Variants in KCNQ3 observed in about 807,000 individuals in gnomAD.
The protein encoded by KCNQ3 is potassium voltage-gated channel subfamily KQT member 3.
In KCNQ3, 30 loss-of-function variants were observed where a neutral mutation model predicts 92.5. The ratio of observed to expected loss-of-function variants is 0.32; its 90% CI spans 0.24 to 0.44. The LOEUF (loss-of-function observed/expected upper bound fraction) is 0.44, where lower values mean the gene tolerates loss of function less well. KCNQ3 is among the 20% of genes least tolerant of loss of function. The probability of loss-of-function intolerance (pLI) is 1.00; values close to 1 mark genes in which losing one functional copy is unlikely to be tolerated. For synonymous variants in KCNQ3, 450 were observed against 468.8 expected, an observed-to-expected ratio of 0.96 and a Z score of 0.52; for missense variants, 913 against 1,140.3, an observed-to-expected ratio of 0.80 and a Z score of 2.87.
chr8:132,321,756 C>A (rs1285646426), intron 1 of KCNQ3, among the ~76,000 whole-genome samples: 2 of 152,196 alleles, frequency 1.3e-5, no homozygotes, highest in Admixed American at 6.5e-5. Flanking sequence ...CACTACCACA[C>A]CCCTGTGCTT....
At chr8:132,157,776 C>T (rs1407137597) in intron 9 of KCNQ3, among the ~76,000 whole-genome samples, 4 of 152,050 alleles carry the variant, frequency 2.6e-5, no homozygotes, top group South Asian at 2.1e-4. Flanking sequence ...CCATCATCTA[C>T]GTTTTAAGCC....
Position 132,121,763 on chromosome 8 carries a change from T to C in KCNQ3, c.*7499A>G, listed in dbSNP as rs759906651. 6.6e-5 allele frequency: 10 copies of C among 152,064 alleles called. No individual in the cohort carries two copies. The highest frequency in any genetic ancestry group is 1.0e-4 in the Non-Finnish European group (7 of 68,028). The allele number at this position is 152,064 out of a possible 1,614,324, so 9.4% of individuals were successfully genotyped here. ...ACCAGAGTCAGCAGAGACGTGGAGA[T>C]ATTTGAACTTGTTTGGTTAAAAACA... On this transcript the variant is annotated 3_prime_UTR_variant, in exon 15 of 15. Coordinates refer to ENST00000388996, the MANE Select transcript of KCNQ3 (RefSeq NM_004519.4).
chr8:132,238,368 A>G (rs542786000), intron 1 of KCNQ3, among the ~76,000 whole-genome samples: 1 of 152,274 alleles, frequency 6.6e-6, no homozygotes, highest in South Asian at 2.1e-4. Flanking sequence ...TCCTAACTGA[A>G]CCATTGGGCC....
intron 1 of KCNQ3, among the ~76,000 whole-genome samples, chr8:132,347,365 C>A (rs1204264958): frequency 6.6e-6 from 1 of 152,142 alleles, no homozygotes; most frequent in East Asian, 1.9e-4. Context: ...TGGTGATGAT[C>A]TTATAACACT....
chr8:132,312,060 G>A (rs1244265396), intron 1 of KCNQ3, among the ~76,000 whole-genome samples: 2 of 152,324 alleles, frequency 1.3e-5, no homozygotes, highest in East Asian at 3.9e-4. Context: ...GTCGAAAACT[G>A]CTGGCAGCCA....
rs936596469 is a variant in KCNQ3 at position 132,413,858 on chromosome 8, G to A, written c.386+66289C>T. Among the ~76,000 whole-genome samples the A allele has an allele frequency of 4.6e-5, 7 of 152,324 alleles. No individual in the cohort carries two copies. The East Asian group carries it at 5.8e-4, about 13-fold the overall frequency. On this transcript the variant is annotated intron_variant, in intron 1 of 14. Coordinates refer to ENST00000388996, the MANE Select transcript of KCNQ3 (RefSeq NM_004519.4). The stretch of plus-strand genomic sequence containing the variant: ...TGTGTCACGCTGTCTGCAGGAGCAC[G>A]TGACTGGGGAATCCCATCTGTTCTC...
At chr8:132,172,435 C>G (rs889066967) in intron 7 of KCNQ3, among the ~76,000 whole-genome samples, 163 bp downstream of exon 7, 1 of 145,934 alleles carries the variant, frequency 6.9e-6, no homozygotes, top group South Asian at 2.2e-4. Flanking sequence ...CACACACACA[C>G]AGACACACAA....
chr8:132,293,773 T>C (rs1331248139), intron 1 of KCNQ3, among the ~76,000 whole-genome samples: 1 of 152,058 alleles, frequency 6.6e-6, no homozygotes, highest in Non-Finnish European at 1.5e-5. Context: ...ACACGTGAAA[T>C]AGTGTCCAGA....
chr8:132,285,116 G>C (rs1816642047), intron 1 of KCNQ3, among the ~76,000 whole-genome samples: 1 of 152,180 alleles, frequency 6.6e-6, no homozygotes, highest in Non-Finnish European at 1.5e-5. Context: ...TGGTACTGAT[G>C]AGTGGGATGA....
chr8:132,215,786 T>C (rs556479270), intron 1 of KCNQ3, among the ~76,000 whole-genome samples: 1 of 152,330 alleles, frequency 6.6e-6, no homozygotes, highest in Non-Finnish European at 1.5e-5. Flanking sequence ...TTCCCTGCCC[T>C]GGGTGGGTAA....
chr8:132,416,912 G>A (rs1017935836), intron 1 of KCNQ3, among the ~76,000 whole-genome samples: 1 of 152,160 alleles, frequency 6.6e-6, no homozygotes, highest in South Asian at 2.1e-4. Context: ...TGTTGGAGCA[G>A]ACAGATAAAC....
rs1182316924 is a variant in KCNQ3 at position 132,456,125 on chromosome 8, C to G, written c.386+24022G>C. Among the ~76,000 whole-genome samples, 3 of 152,106 alleles carry G rather than the reference C, an allele frequency of 2.0e-5. No individual in the cohort carries two copies. In the East Asian group the frequency reaches 5.8e-4, roughly 29 times the overall value. On this transcript the variant is annotated intron_variant, in intron 1 of 14. Transcript: ENST00000388996. Reference sequence around the variant, plus strand: ...GTGAAGTCCCTTGCCTGAGGTCACACCACTGAAATTCAGACTCCCCATAGT... The same window carrying G: ...GTGAAGTCCCTTGCCTGAGGTCACAGCACTGAAATTCAGACTCCCCATAGT...
chr8:132,433,996 C>G (rs1821319372), intron 1 of KCNQ3, among the ~76,000 whole-genome samples: 1 of 152,074 alleles, frequency 6.6e-6, no homozygotes, highest in South Asian at 2.1e-4. Context: ...ATCACGAGGT[C>G]AGGAGATCGA....
intron 1 of KCNQ3, among the ~76,000 whole-genome samples, chr8:132,416,384 T>C (rs1820807819): frequency 6.6e-6 from 1 of 152,102 alleles, no homozygotes; most frequent in South Asian, 2.1e-4. Context: ...TCCTAGCACT[T>C]TGGGAGGCTG....
At chr8:132,308,391 G>A (rs958610975) in intron 1 of KCNQ3, among the ~76,000 whole-genome samples, 2 of 152,158 alleles carry the variant, frequency 1.3e-5, no homozygotes, top group Admixed American at 1.3e-4. Context: ...AGGGCAGGGG[G>A]AGCCCAGAGA....
At chr8:132,424,179 A>G (rs2130814962) in intron 1 of KCNQ3, among the ~76,000 whole-genome samples, 1 of 149,526 alleles carries the variant, frequency 6.7e-6, no homozygotes, top group East Asian at 2.1e-4. Flanking sequence ...AACTAGGGAC[A>G]GAATCAGCTG....
intron 1 of KCNQ3, among the ~76,000 whole-genome samples, chr8:132,218,222 T>C (rs1814105414): frequency 1.3e-5 from 2 of 151,936 alleles, no homozygotes; most frequent in South Asian, 4.2e-4. Context: ...AGTAGAAAAA[T>C]AATACATCCC....
At chr8:132,367,822 A>T (rs1389623383) in intron 1 of KCNQ3, among the ~76,000 whole-genome samples, 1 of 152,202 alleles carries the variant, frequency 6.6e-6, no homozygotes, top group African/African-American at 2.4e-5. Context: ...CCAGAATGAC[A>T]TGGCTCCCAG....
intron 1 of KCNQ3, among the ~76,000 whole-genome samples, chr8:132,233,921 G>T (rs1814720612): frequency 1.3e-5 from 2 of 152,138 alleles, no homozygotes; most frequent in African/African-American, 2.4e-5. Context: ...GGTCTAATTT[G>T]ACCTGTGGGG....
Sources: allele counts gnomAD v4.1 joint callset (sites outside exome capture counted in the v4.1 genomes callset), GRCh38; gene constraint gnomAD v4.1.1; transcripts MANE v1.5; gene names NCBI Gene and HGNC (gene_info 2026-07-23, HGNC 2026-07-21).